Variants in CNBD1 observed in about 807,000 individuals in gnomAD.
CNBD1 encodes cyclic nucleotide binding domain containing 1, also known as cyclic nucleotide-binding domain-containing protein 1.
A neutral mutation model predicts 54.4 loss-of-function variants in CNBD1; 71 were observed. That is an observed-to-expected ratio of 1.30 (90% confidence interval 1.08 to 1.59). The LOEUF is 1.59. Among genes scored for constraint, CNBD1 ranks in the 40% most tolerant of loss-of-function variants. The pLI, the probability that CNBD1 is intolerant of heterozygous loss-of-function variation, is 0.00. For missense variants in CNBD1, 659 were observed against 518.0 expected (o/e 1.27, Z -2.64); for synonymous variants, 182 against 170.7 (o/e 1.07, Z -0.51).
At chr8:87,214,461 T>G (rs1056646088) in intron 5 of CNBD1, among the ~76,000 whole-genome samples, 2 of 152,158 alleles carry the variant, frequency 1.3e-5, no homozygotes, top group Admixed American at 6.5e-5. Context: ...GGTTCCAAAC[T>G]TTTCCACATT....
At chr8:87,185,193 T>C (rs1813447639) in intron 4 of CNBD1, among the ~76,000 whole-genome samples, 1 of 152,196 alleles carries the variant, frequency 6.6e-6, no homozygotes, top group South Asian at 2.1e-4. Flanking sequence ...TGCTCTTTTT[T>C]GAGGTGATTG....
At chr8:87,119,041 T>C (rs1333577080) in intron 4 of CNBD1, among the ~76,000 whole-genome samples, 1 of 152,188 alleles carries the variant, frequency 6.6e-6, no homozygotes, top group Non-Finnish European at 1.5e-5. Context: ...GCACCTACTG[T>C]ATGCCAAGTA....
chr8:87,303,340 A>G (rs1809057050), intron 8 of CNBD1, among the ~76,000 whole-genome samples: 1 of 152,090 alleles, frequency 6.6e-6, no homozygotes. Flanking sequence ...CCGCATATCT[A>G]CAAACATCTG....
intron 1 of CNBD1, among the ~76,000 whole-genome samples, chr8:86,883,182 TAA>T (rs35388299): frequency 0.47 from 70,714 of 149,440 alleles, 16,734 homozygotes; most frequent in East Asian, 0.56. Flanking sequence ...ACTTAAAAGT[TAA>T]AAAAAAAAAA....
In CNBD1 at chr8:87,004,951, G is replaced by C. The variant is rs1171819198; in HGVS notation, c.431+65197G>C. Among the ~76,000 whole-genome samples, 4 of 151,848 alleles carry C rather than the reference G, an allele frequency of 2.6e-5. No homozygotes were observed. In the South Asian group the frequency reaches 6.2e-4, roughly 24 times the overall value. On this transcript the variant is annotated intron_variant, in intron 4 of 10. Transcript: ENST00000518476. ...AATAAAAATCTGTTTCATTTGGGCA[G>C]GCATCACAAAAATTGTCTTGGATAA...
chr8:87,106,464 G>T (rs776780057), intron 4 of CNBD1, among the ~76,000 whole-genome samples: 1 of 152,160 alleles, frequency 6.6e-6, no homozygotes, highest in Non-Finnish European at 1.5e-5. Flanking sequence ...ACCTGCCTCA[G>T]CCTCCTCAAG....
downstream of CNBD1, among the ~76,000 whole-genome samples, chr8:87,383,555 C>G (rs950675995): frequency 6.6e-6 from 1 of 151,690 alleles, no homozygotes; most frequent in Admixed American, 6.6e-5. Flanking sequence ...TCCACTGTAA[C>G]ATACTGCTGC....
rs1165681009 is a variant in CNBD1 at position 87,420,451 on chromosome 8, C to T, written c.214-8095C>T. Among the ~76,000 whole-genome samples, 3 of 152,066 alleles carry T rather than the reference C, an allele frequency of 2.0e-5. No homozygotes were observed. In the East Asian group the frequency reaches 5.8e-4, roughly 29 times the overall value. ...AATGGAATCACATGGTATTTCTGCACCCTGTTTGCAAAAGCATGCCTCTTT... is the reference window on the plus strand; with the variant it reads ...AATGGAATCACATGGTATTTCTGCATCCTGTTTGCAAAAGCATGCCTCTTT... On this transcript the variant is annotated intron_variant, in intron 2 of 7. Transcript: ENST00000521593.
intron 4 of CNBD1, among the ~76,000 whole-genome samples, chr8:87,070,684 G>A (rs1234234053): frequency 6.6e-6 from 1 of 152,012 alleles, no homozygotes; most frequent in African/African-American, 2.4e-5. Flanking sequence ...GCTATAAGGA[G>A]CAGAAGTGAT....
intron 8 of CNBD1, among the ~76,000 whole-genome samples, chr8:87,312,413 A>C (rs1563547761): frequency 1.3e-5 from 2 of 152,030 alleles, no homozygotes; most frequent in South Asian, 4.1e-4. Flanking sequence ...TGGCATTTCT[A>C]TACATTTTGG....
intron 8 of CNBD1, among the ~76,000 whole-genome samples, chr8:87,331,218 C>A (rs531078530): frequency 6.6e-6 from 1 of 152,130 alleles, no homozygotes; most frequent in Non-Finnish European, 1.5e-5. Flanking sequence ...CCACCCCTTG[C>A]ACCCCGCTGA....
intron 6 of CNBD1, among the ~76,000 whole-genome samples, chr8:87,248,847 G>A (rs941027231): frequency 6.6e-6 from 1 of 152,130 alleles, no homozygotes; most frequent in African/African-American, 2.4e-5. Flanking sequence ...CTGTGACTGA[G>A]ACAAGTACAC....
intron 3 of CNBD1, among the ~76,000 whole-genome samples, chr8:86,923,645 C>G (rs992907659): frequency 6.6e-6 from 1 of 152,190 alleles, no homozygotes; most frequent in Non-Finnish European, 1.5e-5. Context: ...CTCCAGACCC[C>G]ATTCTCCTGC....
At chr8:86,974,093 A>G (rs1199181037) in intron 4 of CNBD1, among the ~76,000 whole-genome samples, 1 of 152,148 alleles carries the variant, frequency 6.6e-6, no homozygotes. Flanking sequence ...ATAATGATAA[A>G]TGTTCAAAAA....
intron 8 of CNBD1, among the ~76,000 whole-genome samples, chr8:87,343,121 G>A (rs772511680): frequency 4.3e-4 from 65 of 152,154 alleles, no homozygotes; most frequent in Non-Finnish European, 4.7e-4. Flanking sequence ...CTTGCTTTCT[G>A]CAAGAAGAAA....
intron 4 of CNBD1, among the ~76,000 whole-genome samples, chr8:87,020,317 A>C (rs1809458993): frequency 6.6e-6 from 1 of 152,018 alleles, no homozygotes; most frequent in Non-Finnish European, 1.5e-5. Flanking sequence ...CATTATTCAA[A>C]TCACTAATAT....
At chr8:87,396,168 C>T (rs551616314) in intron 2 of CNBD1, among the ~76,000 whole-genome samples, 1 of 151,870 alleles carries the variant, frequency 6.6e-6, no homozygotes, top group Non-Finnish European at 1.5e-5. Context: ...TTGAATATAG[C>T]CCTTTAATGT....
At chr8:87,018,027 T>C (rs1273696792) in intron 4 of CNBD1, among the ~76,000 whole-genome samples, 1 of 152,182 alleles carries the variant, frequency 6.6e-6, no homozygotes, top group Non-Finnish European at 1.5e-5. Flanking sequence ...GCAGATCACC[T>C]GAGGTCAGGA....
Position 87,405,056 on chromosome 8 carries a change from GA to G in CNBD1, c.214-23484del, listed in dbSNP as rs1475937403. ...TCTTATATATCAGTACTGAGTTGAAGAAAAAATAAATCATTTTCATTCATTT... is the reference window on the plus strand; with the variant it reads ...TCTTATATATCAGTACTGAGTTGAAGAAAAATAAATCATTTTCATTCATTT... On this transcript the variant is annotated intron_variant, in intron 2 of 7. Transcript: ENST00000521593. Among the ~76,000 whole-genome samples the G allele has an allele frequency of 3.3e-5, 5 of 152,024 alleles. No individual in the cohort carries two copies. In the East Asian group the frequency reaches 9.7e-4, roughly 30 times the overall value.
Sources: allele counts gnomAD v4.1 joint callset (sites outside exome capture counted in the v4.1 genomes callset), GRCh38; gene constraint gnomAD v4.1.1; transcripts MANE v1.5; gene names NCBI Gene and HGNC (gene_info 2026-07-23, HGNC 2026-07-21).